The following LNX2 variants were observed in gnomAD, a reference collection of about 807,000 sequenced individuals.
LNX2 encodes ligand of numb-protein X 2, also known as ligand of Numb protein X 2.
LNX2 carries 35 observed loss-of-function variants against 66.2 expected under a neutral mutation model. The observed-to-expected ratio is 0.53, with a 90% CI of 0.40 to 0.70. The LOEUF (loss-of-function observed/expected upper bound fraction) is 0.70. Ranked by LOEUF, LNX2 falls within the 30% of genes least tolerant of loss-of-function variation. LNX2 has a pLI of 0.00. For synonymous variants in LNX2, 337 were observed against 315.6 expected, an observed-to-expected ratio of 1.07 and a Z score of -0.72; for missense variants, 791 against 850.8, an observed-to-expected ratio of 0.93 and a Z score of 0.87.
chr13:27,570,206 CCTACCACGACT>C (rs1277300049), intron 2 of LNX2, among the ~76,000 whole-genome samples: 1 of 152,080 alleles, frequency 6.6e-6, no homozygotes, highest in Non-Finnish European at 1.5e-5. Flanking sequence ...ATACCTGAGG[CCTACCACGACT>C]CTACGGATGA....
chr13:27,617,934 A>T (rs1281326848), intron 1 of LNX2, among the ~76,000 whole-genome samples: 1 of 152,222 alleles, frequency 6.6e-6, no homozygotes, highest in Non-Finnish European at 1.5e-5. Context: ...ATATTTACTG[A>T]GCACTTGGAA....
chr13:27,556,028 A>G (rs899991040), intron 7 of LNX2, among the ~76,000 whole-genome samples: 3 of 152,162 alleles, frequency 2.0e-5, no homozygotes, highest in East Asian at 1.9e-4. Flanking sequence ...CAAATTCTGG[A>G]ACTGTCATCA....
intron 4 of LNX2, among the ~76,000 whole-genome samples, chr13:27,565,802 A>G (rs1955198663): frequency 6.6e-6 from 1 of 152,224 alleles, no homozygotes; most frequent in Non-Finnish European, 1.5e-5. Context: ...TTCAGGAATA[A>G]TACACCATGA....
chr13:27,615,843 C>T (rs534150), intron 1 of LNX2, among the ~76,000 whole-genome samples: 75,414 of 151,990 alleles, frequency 0.5, 19,997 homozygotes, highest in South Asian at 0.61. Flanking sequence ...CTTTTGCTTT[C>T]CCTCTGACCA....
At chr13:27,602,345 G>A (rs76028004) in intron 1 of LNX2, among the ~76,000 whole-genome samples, 1 of 152,028 alleles carries the variant, frequency 6.6e-6, no homozygotes, top group South Asian at 2.1e-4. Flanking sequence ...CATTACTCCG[G>A]GTTTTTTTAT....
chr13:27,613,316 T>C (rs996582833), intron 1 of LNX2, among the ~76,000 whole-genome samples: 5 of 151,948 alleles, frequency 3.3e-5, no homozygotes, highest in Non-Finnish European at 5.9e-5. Context: ...TGGCACACTG[T>C]TGCTGTGAGG....
At chr13:27,570,749 G>A (rs1465749220) in intron 2 of LNX2, among the ~76,000 whole-genome samples, 1 of 152,080 alleles carries the variant, frequency 6.6e-6, no homozygotes, top group Non-Finnish European at 1.5e-5. Flanking sequence ...GACAGGTAAA[G>A]ATTTAATTTA....
intron 1 of LNX2, among the ~76,000 whole-genome samples, chr13:27,614,300 A>C (rs940294218): frequency 3.3e-5 from 5 of 152,200 alleles, no homozygotes; most frequent in African/African-American, 1.2e-4. Flanking sequence ...ACTCCCTCAG[A>C]TAACATCACT....
chr13:27,551,500 A>G (rs1187928612), intron 8 of LNX2, among the ~76,000 whole-genome samples: 1 of 151,962 alleles, frequency 6.6e-6, no homozygotes, highest in Non-Finnish European at 1.5e-5. Flanking sequence ...CACCTAAATG[A>G]TAAGGAAAAA....
intron 1 of LNX2, among the ~76,000 whole-genome samples, chr13:27,592,875 G>A (rs1955558644): frequency 6.6e-6 from 1 of 152,212 alleles, no homozygotes; most frequent in Admixed American, 6.5e-5. Context: ...TGAGAATTAA[G>A]CACTGGATTT....
intron 2 of LNX2, among the ~76,000 whole-genome samples, chr13:27,579,721 A>AT (rs1229034647): frequency 1.3e-5 from 2 of 152,176 alleles, no homozygotes; most frequent in Non-Finnish European, 2.9e-5. Context: ...CTAACATCTC[A>AT]TAACTGATGT....
At position 27,562,435 on chromosome 13, in the gene LNX2, T is replaced by C; in HGVS notation, c.1202A>G (p.Glu401Gly). ...TACCTGAATAATCTGGGCAGCAAGC[T>C]CCGGAGTTCCATACTTCAGGTCGTG... ...NGHDLKYGTP[E>G]LAAQIIQASG... is the part of the protein sequence containing the mutation. Residue 401 changes from glutamate (E) to glycine (G), a missense_variant, in exon 5 of 10, where the codon GAG (glutamate) becomes GGG (glycine). Coordinates refer to ENST00000316334, the MANE Select transcript of LNX2 (RefSeq NM_153371.4). 1 of 1,613,910 alleles carries C rather than the reference T, an allele frequency of 6.2e-7. No individual in the cohort carries two copies. Among genetic ancestry groups the C allele is most frequent in the Non-Finnish European group, 8.5e-7 (1 of 1,179,876 alleles).
chr13:27,572,930 A>AG (rs1447144265), intron 2 of LNX2, among the ~76,000 whole-genome samples: 3 of 152,212 alleles, frequency 2.0e-5, no homozygotes, highest in Non-Finnish European at 2.9e-5. Context: ...ACAAAAATTA[A>AG]TTCAAGTCAT....
intron 9 of LNX2, 131 bp downstream of exon 9, chr13:27,550,202 A>G: frequency 2.8e-6 from 2 of 702,430 alleles, no homozygotes; most frequent in Non-Finnish European, 4.6e-6. Context: ...CAGTAAGTGT[A>G]GCTGCACTGC....
rs137933026 is a variant in LNX2 at position 27,574,216 on chromosome 13, G to A, written c.408-4940C>T. Among the ~76,000 whole-genome samples the A allele has an allele frequency of 3.7e-3, 567 of 152,310 alleles. 1 individual carries two copies. The highest frequency in any genetic ancestry group is 0.013 in the African/African-American group (533 of 41,558). ...TCCCAGCACTTTGGGACGCCAAGGCGGGTGGATCACTTGGGGTCAGGAGTT... is the reference window on the plus strand; with the variant it reads ...TCCCAGCACTTTGGGACGCCAAGGCAGGTGGATCACTTGGGGTCAGGAGTT... On this transcript the variant is annotated intron_variant, in intron 2 of 9. Transcript: ENST00000316334.
chr13:27,615,059 GTTCAA>G (rs1240439578), intron 1 of LNX2, among the ~76,000 whole-genome samples: 1 of 151,720 alleles, frequency 6.6e-6, no homozygotes, highest in Non-Finnish European at 1.5e-5. Flanking sequence ...GTGTCCTCTA[GTTCAA>G]TTCAATTCTG....
chr13:27,562,890 G>T, intron 4 of LNX2, 109 bp from the exon 5 acceptor site: 1 of 1,118,788 alleles, frequency 8.9e-7, no homozygotes, highest in Non-Finnish European at 1.3e-6. Context: ...AGAGTGCTAA[G>T]TATGGTGAGA....
In LNX2 at chr13:27,595,190, C is replaced by T. The variant is rs553294793; in HGVS notation, c.-100-13387G>A. Among the ~76,000 whole-genome samples, 7 of 152,298 alleles carry T rather than the reference C, an allele frequency of 4.6e-5. No homozygotes were observed. The South Asian group carries it at 1.2e-3, about 27-fold the overall frequency. On this transcript the variant is annotated intron_variant, in intron 1 of 9. Coordinates refer to ENST00000316334, the MANE Select transcript of LNX2 (RefSeq NM_153371.4). Reference sequence around the variant, plus strand: ...TGTCCTTTCCTACCTTGGGTATCTGCAGAACCCCCATCCATTTAGTGGTCA... The same window carrying T: ...TGTCCTTTCCTACCTTGGGTATCTGTAGAACCCCCATCCATTTAGTGGTCA...
intron 2 of LNX2, among the ~76,000 whole-genome samples, chr13:27,578,431 C>G (rs1356250323): frequency 6.6e-6 from 1 of 152,138 alleles, no homozygotes; most frequent in Non-Finnish European, 1.5e-5. Flanking sequence ...ATATTCTGCG[C>G]CGCATAACAT....
Sources: allele counts gnomAD v4.1 joint callset (sites outside exome capture counted in the v4.1 genomes callset), GRCh38; gene constraint gnomAD v4.1.1; transcripts MANE v1.5; gene names NCBI Gene and HGNC (gene_info 2026-07-23, HGNC 2026-07-21).